Variants in PPP1R13B observed in about 807,000 individuals in gnomAD.
PPP1R13B encodes protein phosphatase 1 regulatory subunit 13B.
In PPP1R13B, 44 loss-of-function variants were observed where a neutral mutation model predicts 119.8. The ratio of observed to expected loss-of-function variants is 0.37; its 90% CI spans 0.29 to 0.47. PPP1R13B has a LOEUF of 0.47. Among genes scored for constraint, PPP1R13B ranks in the 20% least tolerant of loss-of-function variants. The probability of loss-of-function intolerance (pLI) is 0.99; values close to 1 mark genes in which losing one functional copy is unlikely to be tolerated. For synonymous variants in PPP1R13B, 542 were observed against 561.5 expected, an observed-to-expected ratio of 0.97 and a Z score of 0.49; for missense variants, 1,227 against 1,413.5, an observed-to-expected ratio of 0.87 and a Z score of 2.12.
At chr14:103,821,282 C>T (rs2086400269) in intron 1 of PPP1R13B, among the ~76,000 whole-genome samples, 1 of 152,124 alleles carries the variant, frequency 6.6e-6, no homozygotes, top group Non-Finnish European at 1.5e-5. Flanking sequence ...CACGACATAC[C>T]ATATTCTCTC....
At chr14:103,848,001 G>A (rs994755997), upstream of PPP1R13B, among the ~76,000 whole-genome samples, 4 of 151,690 alleles carry the variant, frequency 2.6e-5, no homozygotes, top group Non-Finnish European at 5.9e-5. Flanking sequence ...TCTGACCGCG[G>A]CCTGACCCCC....
intron 4 of PPP1R13B, among the ~76,000 whole-genome samples, chr14:103,769,528 C>T (rs1315695236): frequency 1.3e-5 from 2 of 152,178 alleles, no homozygotes; most frequent in Non-Finnish European, 1.5e-5. Flanking sequence ...GCGTGAGCCA[C>T]AACACATACT....
At chr14:103,790,891 C>G (rs903665611) in intron 2 of PPP1R13B, among the ~76,000 whole-genome samples, 1 of 152,134 alleles carries the variant, frequency 6.6e-6, no homozygotes, top group African/African-American at 2.4e-5. Flanking sequence ...TGTAATACAG[C>G]TATAAACTTG....
At chr14:103,792,999 G>A (rs1423655972) in intron 2 of PPP1R13B, among the ~76,000 whole-genome samples, 1 of 151,548 alleles carries the variant, frequency 6.6e-6, no homozygotes, top group East Asian at 1.9e-4. Flanking sequence ...TGGAACCTGG[G>A]AGGCAGAGGT....
intron 1 of PPP1R13B, among the ~76,000 whole-genome samples, chr14:103,814,139 T>C (rs776824914): frequency 1.3e-5 from 2 of 152,056 alleles, no homozygotes; most frequent in Non-Finnish European, 2.9e-5. Flanking sequence ...ACCTGAGGTC[T>C]GGAGTTCACG....
intron 3 of PPP1R13B, among the ~76,000 whole-genome samples, chr14:103,779,594 G>A (rs1178874505): frequency 6.8e-6 from 1 of 147,718 alleles, no homozygotes; most frequent in Non-Finnish European, 1.5e-5. Flanking sequence ...GGGCAACGTG[G>A]CGAAAATCTG....
At chr14:103,784,386 C>T (rs1029664277) in intron 3 of PPP1R13B, among the ~76,000 whole-genome samples, 1 of 151,794 alleles carries the variant, frequency 6.6e-6, no homozygotes, top group South Asian at 2.1e-4. Flanking sequence ...AGTTCGAGAC[C>T]AGCCTGGCCA....
chr14:103,846,780 T>A (rs72712830), intron 1 of PPP1R13B: 5,873 of 457,066 alleles, frequency 0.013, 49 homozygotes, highest in Middle Eastern at 0.016. Flanking sequence ...CGAACCAACA[T>A]TGCAGATACG....
chr14:103,783,298 C>T (rs536521542), intron 3 of PPP1R13B, among the ~76,000 whole-genome samples: 8 of 151,772 alleles, frequency 5.3e-5, no homozygotes, highest in Admixed American at 2.0e-4. Flanking sequence ...CTCGCTCTGT[C>T]GCCCAGGCTG....
intron 4 of PPP1R13B, among the ~76,000 whole-genome samples, chr14:103,773,342 AAC>A (rs2085114217): frequency 6.6e-6 from 1 of 152,238 alleles, no homozygotes; most frequent in African/African-American, 2.4e-5. Flanking sequence ...TTCTCGAGAT[AAC>A]AGAGAATGTT....
chr14:103,810,717 G>A (rs2086131594), intron 1 of PPP1R13B, among the ~76,000 whole-genome samples: 1 of 151,752 alleles, frequency 6.6e-6, no homozygotes, highest in African/African-American at 2.4e-5. Flanking sequence ...CTTGCAGTGA[G>A]CCGAGATCGC....
In PPP1R13B at chr14:103,797,364, T is replaced by TA. The variant is rs1228815168; in HGVS notation, c.157+6dup. On this transcript the variant is annotated splice_region_variant and intron_variant, in intron 2 of 16. Coordinates refer to ENST00000202556, the MANE Select transcript of PPP1R13B (RefSeq NM_015316.3). The stretch of plus-strand genomic sequence containing the variant: ...ATGTAACAATCTTTACAGGACCTAA[T>TA]ACATACCATTTCCCCTCCACACTTC... 1.2e-6 allele frequency: 2 copies of TA among 1,613,470 alleles called. No individual in the cohort carries two copies. The highest frequency in any genetic ancestry group is 3.3e-5 in the Admixed American group (2 of 59,854).
At chr14:103,800,348 TTTGTTG>T (rs934387339) in intron 1 of PPP1R13B, among the ~76,000 whole-genome samples, 2 of 151,306 alleles carry the variant, frequency 1.3e-5, no homozygotes, top group African/African-American at 4.9e-5. Flanking sequence ...ATGATTTTAG[TTTGTTG>T]TTAAGATTTT....
rs201985011 is a variant in PPP1R13B, at chr14:103,799,324, G to A, written c.10-1806C>T. On this transcript the variant is annotated intron_variant, in intron 1 of 16. Coordinates refer to ENST00000202556, the MANE Select transcript of PPP1R13B (RefSeq NM_015316.3). ...CTCCCGAGTAGCTGGGACTACAGGCGCACGTCACTACGCCCGGCTAATTTT... is the reference window on the plus strand; with the variant it reads ...CTCCCGAGTAGCTGGGACTACAGGCACACGTCACTACGCCCGGCTAATTTT... Among the ~76,000 whole-genome samples the A allele has an allele frequency of 1.7e-4, 26 of 152,190 alleles. No homozygotes were observed. In the East Asian group the frequency reaches 4.8e-3, roughly 28 times the overall value.
At chr14:103,808,299 C>T (rs377718232) in intron 1 of PPP1R13B, among the ~76,000 whole-genome samples, 86 of 151,796 alleles carry the variant, frequency 5.7e-4, no homozygotes, top group Non-Finnish European at 2.4e-4. Flanking sequence ...ATGTGGTATT[C>T]GGCAGATTTC....
Position 103,735,120 on chromosome 14 carries a change from G to A in PPP1R13B, c.*34C>T, listed in dbSNP as rs371661047. ...ATAATCTCTTAAGTGGCTCCTGGTAGCTGGCAAGACCATGCGGTGCTCCAA... is the reference window on the plus strand; with the variant it reads ...ATAATCTCTTAAGTGGCTCCTGGTAACTGGCAAGACCATGCGGTGCTCCAA... On this transcript the variant is annotated 3_prime_UTR_variant, in exon 17 of 17. Transcript: ENST00000202556. The A allele has an allele frequency of 8.7e-6, 14 of 1,613,126 alleles. No homozygotes were observed. The South Asian group carries it at 1.5e-4, about 18-fold the overall frequency.
upstream of PPP1R13B, chr14:103,848,297 G>T (rs1299762216): frequency 1.0e-6 from 1 of 985,350 alleles, no homozygotes; most frequent in African/African-American, 1.7e-5. Flanking sequence ...TCGAGGTCCA[G>T]CTCCAGCGTC....
Position 103,738,551 on chromosome 14 carries a change from G to T in PPP1R13B, c.2864+128C>A, listed in dbSNP as rs2084169893. ...ACCCTGGCAACAGCTGTCTTTCAAG[G>T]ATGAAATGATGGGTGTTCTTGCTCT... On this transcript the variant is annotated intron_variant, in intron 14 of 16. Transcript: ENST00000202556. The surrounding 1 kb of genome is among the most constrained non-coding windows in gnomAD (Gnocchi z 5.6). 1.4e-6 allele frequency: 2 copies of T among 1,395,268 alleles called. No homozygotes were observed. The highest frequency in any genetic ancestry group is 1.4e-5 in the African/African-American group (1 of 69,552). The allele number at this position is 1,395,268 out of a possible 1,614,324, so 86.4% of individuals were successfully genotyped here.
intron 7 of PPP1R13B, among the ~76,000 whole-genome samples, chr14:103,750,564 C>T (rs1336925608): frequency 4.6e-5 from 7 of 152,198 alleles, no homozygotes; most frequent in African/African-American, 1.4e-4. Flanking sequence ...GGTGCGGTGG[C>T]TCACGCCTGT....
Sources: gnomAD v4.1 joint callset for allele counts (sites outside exome capture counted in the v4.1 genomes callset) on GRCh38, gnomAD v4.1.1 for gene constraint, Gnocchi (gnomAD v3.1) non-coding constraint, MANE v1.5 for transcripts, NCBI Gene and HGNC (gene_info 2026-07-23, HGNC 2026-07-21) for gene names.